Variants in ADCY2 observed in about 807,000 individuals in gnomAD.
ADCY2 encodes adenylate cyclase type 2.
ADCY2 carries 31 observed loss-of-function variants against 125.2 expected under a neutral mutation model. The observed-to-expected ratio is 0.25, with a 90% CI of 0.19 to 0.33. ADCY2 has a LOEUF of 0.33. Among genes scored for constraint, ADCY2 ranks in the 10% least tolerant of loss-of-function variants. ADCY2 has a pLI of 1.00. For synonymous variants in ADCY2, 512 were observed against 548.4 expected, an observed-to-expected ratio of 0.93 and a Z score of 0.93; for missense variants, 904 against 1,418.2, an observed-to-expected ratio of 0.64 and a Z score of 5.82.
intron 3 of ADCY2, among the ~76,000 whole-genome samples, chr5:7,586,569 A>G (rs1736633872): frequency 6.6e-6 from 1 of 151,916 alleles, no homozygotes. Flanking sequence ...GCAGGTCTTC[A>G]TTTTCGAATA....
intron 1 of ADCY2, among the ~76,000 whole-genome samples, chr5:7,403,613 G>A (rs187447222): frequency 6.6e-6 from 1 of 151,972 alleles, no homozygotes; most frequent in Non-Finnish European, 1.5e-5. Context: ...CTTTCTATAT[G>A]CTCAACTAAT....
intron 3 of ADCY2, among the ~76,000 whole-genome samples, chr5:7,606,308 T>A (rs932467769): frequency 6.6e-6 from 1 of 152,192 alleles, no homozygotes; most frequent in Admixed American, 6.5e-5. Context: ...CAGGTTTGGA[T>A]ATGGAAAAAT....
intron 3 of ADCY2, among the ~76,000 whole-genome samples, chr5:7,583,956 T>C (rs1736529603): frequency 6.6e-6 from 1 of 152,010 alleles, no homozygotes; most frequent in Non-Finnish European, 1.5e-5. Flanking sequence ...ATATGCTAAA[T>C]GAAAGGAAGC....
intron 3 of ADCY2, among the ~76,000 whole-genome samples, chr5:7,618,164 G>A (rs1255879109): frequency 6.6e-6 from 1 of 152,152 alleles, no homozygotes; most frequent in Admixed American, 6.5e-5. Context: ...GGTGAGATTG[G>A]CCGTGGCATC....
chr5:7,420,593 T>C (rs1740162621), intron 2 of ADCY2, among the ~76,000 whole-genome samples: 1 of 152,058 alleles, frequency 6.6e-6, no homozygotes, highest in African/African-American at 2.4e-5. Flanking sequence ...ATCCCGAAGG[T>C]TCCCTCTGCT....
intron 3 of ADCY2, among the ~76,000 whole-genome samples, chr5:7,611,440 T>C (rs1737569472): frequency 6.6e-6 from 1 of 152,242 alleles, no homozygotes; most frequent in Non-Finnish European, 1.5e-5. Flanking sequence ...TTAGTCTTGA[T>C]TGTTAAACAT....
At chr5:7,448,350 G>C (rs1741352761) in intron 2 of ADCY2, among the ~76,000 whole-genome samples, 1 of 152,164 alleles carries the variant, frequency 6.6e-6, no homozygotes, top group East Asian at 1.9e-4. Context: ...CTCGTGCTCA[G>C]AGTTTCTGGT....
intron 3 of ADCY2, among the ~76,000 whole-genome samples, chr5:7,548,364 T>C (rs1047804120): frequency 6.6e-6 from 1 of 152,056 alleles, no homozygotes; most frequent in Non-Finnish European, 1.5e-5. Flanking sequence ...ATTGTGTGTA[T>C]ATATAGGAGT....
rs138666443 is a variant in ADCY2, at chr5:7,823,473, CCTAGT to C, written c.3123+2788_3123+2792del. 5.7e-3 allele frequency among the ~76,000 whole-genome samples: 866 copies of C among 152,254 alleles called. 15 individuals are homozygous for C. Among genetic ancestry groups the C allele is most frequent in the African/African-American group, 0.02 (829 of 41,552 alleles). ...CAAGAATCGTGGGGCGTTTTGGCAGCCTAGTCTAATCATTTTCTGATGGTACCAAG... is the reference window on the plus strand; with the variant it reads ...CAAGAATCGTGGGGCGTTTTGGCAGCCTAATCATTTTCTGATGGTACCAAG... On this transcript the variant is annotated intron_variant, in intron 24 of 24. Transcript: ENST00000338316.
chr5:7,436,602 C>T (rs1046152477), intron 2 of ADCY2, among the ~76,000 whole-genome samples: 1 of 152,190 alleles, frequency 6.6e-6, no homozygotes, highest in Non-Finnish European at 1.5e-5. Context: ...GACAAAGATC[C>T]CTAAGTCCGC....
At chr5:7,473,808 A>C (rs1390821471) in intron 2 of ADCY2, among the ~76,000 whole-genome samples, 1 of 152,174 alleles carries the variant, frequency 6.6e-6, no homozygotes, top group East Asian at 1.9e-4. Flanking sequence ...TTTCTTATGA[A>C]TGCTTGGTGG....
At chr5:7,789,571 C>A in intron 19 of ADCY2, 71 bp from the exon 20 acceptor site, 1 of 1,468,108 alleles carries the variant, frequency 6.8e-7, no homozygotes, top group South Asian at 1.3e-5. Context: ...TTTGTTTTCT[C>A]TTTAAAACCT....
chr5:7,598,660 GTGTGAGT>G (rs1394784866), intron 3 of ADCY2, among the ~76,000 whole-genome samples: 1 of 152,170 alleles, frequency 6.6e-6, no homozygotes, highest in Admixed American at 6.5e-5. Context: ...GGTGCTGGGG[GTGTGAGT>G]TGTTTCCAGT....
chr5:7,520,340 C>T (rs1744396434), intron 2 of ADCY2, among the ~76,000 whole-genome samples: 1 of 152,112 alleles, frequency 6.6e-6, no homozygotes, highest in African/African-American at 2.4e-5. Context: ...GGGTCTCCAC[C>T]CTGTCCACCC....
intron 3 of ADCY2, among the ~76,000 whole-genome samples, chr5:7,554,333 G>C (rs1311251179): frequency 6.6e-6 from 1 of 152,124 alleles, no homozygotes; most frequent in Non-Finnish European, 1.5e-5. Context: ...GAGAACTTGA[G>C]GGTTCCAATG....
chr5:7,516,833 C>T (rs137985366), intron 2 of ADCY2, among the ~76,000 whole-genome samples: 73 of 152,104 alleles, frequency 4.8e-4, no homozygotes, highest in Non-Finnish European at 7.8e-4. Context: ...CAAACAGAAA[C>T]GCCAGTAACC....
chr5:7,776,406 C>A (rs1052518219), intron 18 of ADCY2, among the ~76,000 whole-genome samples: 1 of 152,082 alleles, frequency 6.6e-6, no homozygotes, highest in Non-Finnish European at 1.5e-5. Context: ...CACATTCTTG[C>A]CTCATTCTTA....
intron 4 of ADCY2, among the ~76,000 whole-genome samples, chr5:7,644,520 A>C (rs2126676789): frequency 6.6e-6 from 1 of 151,894 alleles, no homozygotes; most frequent in Non-Finnish European, 1.5e-5. Flanking sequence ...ATTTTTAGTC[A>C]CCCTGTCTGG....
intron 23 of ADCY2, among the ~76,000 whole-genome samples, chr5:7,818,673 CT>C (rs1443555762): frequency 6.6e-6 from 1 of 152,038 alleles, no homozygotes; most frequent in East Asian, 1.9e-4. Context: ...CCATATTTTT[CT>C]TTCTACTTTC....
Sources: gnomAD v4.1 joint callset for allele counts (sites outside exome capture counted in the v4.1 genomes callset) on GRCh38, gnomAD v4.1.1 for gene constraint, MANE v1.5 for transcripts, NCBI Gene and HGNC (gene_info 2026-07-23, HGNC 2026-07-21) for gene names.